ZEB1: variants seen among roughly 807,000 people sequenced by gnomAD.
ZEB1 encodes the protein zinc finger E-box-binding homeobox 1.
Under a neutral mutation model 84.9 loss-of-function variants are expected in ZEB1, and 21 were observed. The ratio of observed to expected loss-of-function variants is 0.25; its 90% CI spans 0.18 to 0.36. The LOEUF is 0.36. ZEB1 is among the 10% of genes least tolerant of loss of function. The probability of loss-of-function intolerance (pLI) is 1.00; values close to 1 mark genes in which losing one functional copy is unlikely to be tolerated. For missense variants in ZEB1, 1,104 were observed against 1,330.2 expected (o/e 0.83, Z 2.65); for synonymous variants, 420 against 471.1 (o/e 0.89, Z 1.41).
chr10:31,521,089 G>C lies in ZEB1; in HGVS notation c.1757G>C (p.Ser586Thr), dbSNP rs756107761. The change falls in exon 7 of 9, where the codon AGT becomes ACT. Residue 586 changes from serine (S) to threonine (T), a missense_variant. Around this residue, in one of 7 missense-constraint regions of ZEB1, gnomAD observed 531 missense variants for 575.2 expected, o/e 0.92. Coordinates refer to ENST00000424869, the MANE Select transcript of ZEB1 (RefSeq NM_001174096.2). ...SATGDGNLSP[S>T]QPPLKNLLSL... ...ACTGGAGATGGCAATTTGTCTCCTA[G>C]TCAGCCACCTTTAAAGAACCTCTTG... 1 of 1,614,094 alleles carries C rather than the reference G, an allele frequency of 6.2e-7. No individual in the cohort carries two copies. Among genetic ancestry groups the C allele is most frequent in the Non-Finnish European group, 8.5e-7 (1 of 1,180,008 alleles).
At chr10:31,465,306 TA>T (rs2062272372) in intron 2 of ZEB1, among the ~76,000 whole-genome samples, 1 of 151,790 alleles carries the variant, frequency 6.6e-6, no homozygotes, top group South Asian at 2.1e-4. Context: ...AGGGGAGAGG[TA>T]AAAGTGTAGT....
intron 1 of ZEB1, among the ~76,000 whole-genome samples, chr10:31,433,070 G>C (rs12258202): frequency 0.014 from 2,158 of 152,254 alleles, 51 homozygotes; most frequent in African/African-American, 0.049. Flanking sequence ...TTAAAGTTTA[G>C]TTGTGATGTA....
chr10:31,367,309 C>A (rs2044710357), intron 1 of ZEB1, among the ~76,000 whole-genome samples: 1 of 152,110 alleles, frequency 6.6e-6, no homozygotes, highest in Non-Finnish European at 1.5e-5. Context: ...CAATATTCCC[C>A]AACTTTGGTG....
chr10:31,491,504 C>T (rs891763779), intron 2 of ZEB1, among the ~76,000 whole-genome samples: 2 of 151,830 alleles, frequency 1.3e-5, no homozygotes, highest in African/African-American at 4.8e-5. Context: ...CACTGCCATG[C>T]CCCAGGGCCC....
chr10:31,372,810 T>C (rs1235340853), intron 1 of ZEB1, among the ~76,000 whole-genome samples: 1 of 151,922 alleles, frequency 6.6e-6, no homozygotes, highest in African/African-American at 2.4e-5. Context: ...GGTAACTTTT[T>C]GGTGAGGGAT....
chr10:31,446,405 T>C (rs1321319741), intron 1 of ZEB1, among the ~76,000 whole-genome samples: 2 of 151,952 alleles, frequency 1.3e-5, no homozygotes, highest in Non-Finnish European at 2.9e-5. Flanking sequence ...TTTGTCTCTC[T>C]ATTTCCTTCA....
chr10:31,323,362 A>T (rs1343086517), intron 1 of ZEB1, among the ~76,000 whole-genome samples: 1 of 138,894 alleles, frequency 7.2e-6, no homozygotes, highest in African/African-American at 3.4e-5. Flanking sequence ...CAATTGATTG[A>T]TAATACTGTG....
At chr10:31,497,732 TC>T (rs1344887497) in intron 3 of ZEB1, among the ~76,000 whole-genome samples, 2 of 152,128 alleles carry the variant, frequency 1.3e-5, no homozygotes, top group Admixed American at 1.3e-4. Context: ...ATAGCAGACT[TC>T]CTTCTGCAGC....
intron 2 of ZEB1, among the ~76,000 whole-genome samples, chr10:31,475,730 G>A (rs2064060101): frequency 6.6e-6 from 1 of 151,998 alleles, no homozygotes; most frequent in Admixed American, 6.6e-5. Context: ...TCCCAGATAA[G>A]CACACATAGA....
In ZEB1 at chr10:31,473,599, A is replaced by T. The variant is rs1382124015; in HGVS notation, c.259+12362A>T. On this transcript the variant is annotated intron_variant, in intron 2 of 8. Transcript: ENST00000424869. The stretch of plus-strand genomic sequence containing the variant: ...GGAAGAACATTCCATGCTCATGGCT[A>T]GGAAGAATCAATATCGTGAAAATGG... Among the ~76,000 whole-genome samples, 11 of 150,238 alleles carry T rather than the reference A, an allele frequency of 7.3e-5. 1 individual carries two copies. The highest frequency in any genetic ancestry group is 2.4e-4 in the African/African-American group (10 of 41,030).
intron 1 of ZEB1, chr10:31,381,767 T>C (rs553295481): frequency 2.0e-5 from 3 of 152,240 alleles, no homozygotes; most frequent in African/African-American, 7.2e-5. Context: ...TCCCAGCACT[T>C]TGGGAGGCCA....
intron 3 of ZEB1, among the ~76,000 whole-genome samples, 174 bp from the exon 4 acceptor site, chr10:31,502,174 A>G (rs930248950): frequency 3.2e-4 from 48 of 152,216 alleles, no homozygotes; most frequent in African/African-American, 1.1e-3. Context: ...GCAAAGATAT[A>G]TCTTAATACA....
chr10:31,403,222 G>C (rs2052391447), intron 1 of ZEB1, among the ~76,000 whole-genome samples: 1 of 152,012 alleles, frequency 6.6e-6, no homozygotes, highest in Middle Eastern at 3.2e-3. Context: ...GTAATACTAA[G>C]TTTCAGAATT....
chr10:31,327,398 A>C (rs2035795911), intron 1 of ZEB1, among the ~76,000 whole-genome samples: 1 of 152,178 alleles, frequency 6.6e-6, no homozygotes, highest in Admixed American at 6.5e-5. Flanking sequence ...GGTGTGAGCC[A>C]CTGCACCTGA....
At chr10:31,471,405 G>C (rs966444485) in intron 2 of ZEB1, among the ~76,000 whole-genome samples, 2 of 151,140 alleles carry the variant, frequency 1.3e-5, no homozygotes, top group African/African-American at 2.4e-5. Context: ...AAAGGCAGGG[G>C]TTGCAATCCT....
At chr10:31,459,954 A>C (rs1341201961) in intron 1 of ZEB1, among the ~76,000 whole-genome samples, 1 of 151,554 alleles carries the variant, frequency 6.6e-6, no homozygotes, top group Admixed American at 6.6e-5. Flanking sequence ...AAATTTAAGG[A>C]AGCAGTGGAA....
chr10:31,329,723 G>A (rs1366468453), intron 1 of ZEB1, among the ~76,000 whole-genome samples: 3 of 152,090 alleles, frequency 2.0e-5, no homozygotes, highest in African/African-American at 7.2e-5. Flanking sequence ...AATTGTCCAT[G>A]TTTTTAATTT....
At chr10:31,360,990 G>C in intron 1 of ZEB1, 1 of 1,606,718 alleles carries the variant, frequency 6.2e-7, no homozygotes, top group South Asian at 1.1e-5. Context: ...TTCTGGTGGA[G>C]ATGGTACAGG....
At chr10:31,360,028 G>C (rs2042746916) in intron 1 of ZEB1, among the ~76,000 whole-genome samples, 1 of 152,154 alleles carries the variant, frequency 6.6e-6, no homozygotes, top group African/African-American at 2.4e-5. Flanking sequence ...AATTCTGATA[G>C]CTACTAGTGT....
Sources: allele counts gnomAD v4.1 joint callset (sites outside exome capture counted in the v4.1 genomes callset), GRCh38; gene constraint gnomAD v4.1.1; regional missense constraint gnomAD v4.1.1; transcripts MANE v1.5; gene names NCBI Gene and HGNC (gene_info 2026-07-23, HGNC 2026-07-21).